Variants in ZDHHC3 observed in about 807,000 individuals in gnomAD.
ZDHHC3 encodes the protein palmitoyltransferase ZDHHC3.
A neutral mutation model predicts 30.6 loss-of-function variants in ZDHHC3; 9 were observed. That is an observed-to-expected ratio of 0.29 (90% CI 0.18 to 0.51). The LOEUF (loss-of-function observed/expected upper bound fraction) is 0.51. Ranked by LOEUF, ZDHHC3 falls within the 20% of genes least tolerant of loss-of-function variation. The probability of loss-of-function intolerance (pLI) is 0.97; values close to 1 mark genes in which losing one functional copy is unlikely to be tolerated. For missense variants in ZDHHC3, 246 were observed against 384.2 expected (o/e 0.64, Z 3.01); for synonymous variants, 136 against 140.2 (o/e 0.97, Z 0.21).
chr3:44,925,294 C>A lies in ZDHHC3; in HGVS notation c.*1395G>T. On this transcript the variant is annotated 3_prime_UTR_variant, in exon 7 of 7. Transcript: ENST00000424952. ...TGGCTAGATTAACTTTCGCCCTACC[C>A]AGGACAGGATTGAATAAACCTTAAC... 3 of 985,870 alleles carry A rather than the reference C, an allele frequency of 3.0e-6. No individual in the cohort carries two copies. Among genetic ancestry groups the A allele is most frequent in the Non-Finnish European group, 3.6e-6 (3 of 829,940 alleles). 61.1% of individuals were successfully genotyped at this position (985,870 alleles called of 1,614,324 possible). A position where few individuals can be genotyped will look rare whatever the true frequency, so the allele number is the denominator to read the frequency against.
chr3:44,955,665 G>A lies in ZDHHC3; in HGVS notation c.306+3466C>T, dbSNP rs779017194. Among the ~76,000 whole-genome samples the A allele has an allele frequency of 6.6e-5, 10 of 151,920 alleles. 1 individual carries two copies. Among genetic ancestry groups the A allele is most frequent in the Admixed American group, 2.0e-4 (3 of 15,256 alleles). ...CAGTGACCACTTTCTAAAAAAAGACGACTGCAATATTAATAAGGAACCCCT... is the reference window on the plus strand; with the variant it reads ...CAGTGACCACTTTCTAAAAAAAGACAACTGCAATATTAATAAGGAACCCCT... On this transcript the variant is annotated intron_variant, in intron 2 of 6. Transcript: ENST00000424952.
At chr3:44,937,130 A>G (rs1301987572) in intron 3 of ZDHHC3, among the ~76,000 whole-genome samples, 4 of 152,068 alleles carry the variant, frequency 2.6e-5, no homozygotes, top group African/African-American at 9.7e-5. Flanking sequence ...AAATAATACA[A>G]TTATATTTCC....
chr3:44,970,485 A>T (rs1482963764), intron 1 of ZDHHC3, among the ~76,000 whole-genome samples: 4 of 152,240 alleles, frequency 2.6e-5, no homozygotes, highest in Admixed American at 2.6e-4. Flanking sequence ...CTCATTTGAT[A>T]AAACAAAGGG....
At chr3:44,968,320 A>AAAAC (rs908550297) in intron 1 of ZDHHC3, among the ~76,000 whole-genome samples, 1 of 152,136 alleles carries the variant, frequency 6.6e-6, no homozygotes, top group Non-Finnish European at 1.5e-5. Context: ...AAAAAAAAAC[A>AAAAC]AAACAAACAA....
intron 1 of ZDHHC3, among the ~76,000 whole-genome samples, chr3:44,967,809 G>A (rs1559723999): frequency 6.6e-6 from 1 of 152,194 alleles, no homozygotes; most frequent in Non-Finnish European, 1.5e-5. Context: ...TTTTACAAAT[G>A]TGAAAATTTA....
At chr3:44,928,668 A>T (rs192823266) in intron 6 of ZDHHC3, among the ~76,000 whole-genome samples, 33 of 152,312 alleles carry the variant, frequency 2.2e-4, no homozygotes, top group African/African-American at 7.9e-4. Flanking sequence ...AGGGGCACCA[A>T]GGGAGTAGGC....
intron 1 of ZDHHC3, among the ~76,000 whole-genome samples, chr3:44,972,882 C>G (rs1229236582): frequency 2.0e-5 from 3 of 152,214 alleles, no homozygotes; most frequent in African/African-American, 7.2e-5. Flanking sequence ...TTCTAGATAT[C>G]TGAGTATGGC....
Position 44,925,861 on chromosome 3 carries a change from G to C in ZDHHC3, c.*828C>G. The C allele has an allele frequency of 1.0e-6, 1 of 985,850 alleles. No individual in the cohort carries two copies. The highest frequency in any genetic ancestry group is 1.2e-6 in the Non-Finnish European group (1 of 829,946). 61.1% of individuals were successfully genotyped at this position (985,850 alleles called of 1,614,324 possible). On this transcript the variant is annotated 3_prime_UTR_variant, in exon 7 of 7. Transcript: ENST00000424952. ...TCTTGCTGGGGAAGAGAGGGAGATGGGGTGGTGAGAGAGGAAGCAGATGAA... is the reference window on the plus strand; with the variant it reads ...TCTTGCTGGGGAAGAGAGGGAGATGCGGTGGTGAGAGAGGAAGCAGATGAA...
chr3:44,918,732 G>A lies in ZDHHC3; in HGVS notation c.*7957C>T. The stretch of plus-strand genomic sequence containing the variant: ...AGGACCACTGTGGGGAGGTAAGGCT[G>A]GGCTCAGGCCTGCTCATGCAGCAGA... On this transcript the variant is annotated 3_prime_UTR_variant, in exon 7 of 7. Transcript: ENST00000424952. 4 of 991,400 alleles carry A rather than the reference G, an allele frequency of 4.0e-6. No individual in the cohort carries two copies. Among genetic ancestry groups the A allele is most frequent in the Non-Finnish European group, 4.8e-6 (4 of 832,802 alleles). The allele number at this position is 991,400 out of a possible 1,614,324, so 61.4% of individuals were successfully genotyped here. A position where few individuals can be genotyped will look rare whatever the true frequency, so the allele number is the denominator to read the frequency against.
At position 44,920,359 on chromosome 3, in the gene ZDHHC3, C is replaced by T; in HGVS notation, c.*6330G>A. 5 of 1,289,676 alleles carry T rather than the reference C, an allele frequency of 3.9e-6. No homozygotes were observed. Among genetic ancestry groups the T allele is most frequent in the Non-Finnish European group, 5.1e-6 (5 of 988,740 alleles). The allele number at this position is 1,289,676 out of a possible 1,614,324, so 79.9% of individuals were successfully genotyped here. On this transcript the variant is annotated 3_prime_UTR_variant, in exon 7 of 7. Transcript: ENST00000424952. ...CAGCCTGTTGAGAAAGAGGCTTTAA[C>T]TTCATAGCACGAGAGCTGGGACATC...
Position 44,929,321 on chromosome 3 carries a change from G to A in ZDHHC3, c.726C>T (p.Ile242=). ...SVMFGTQVHS[I]CTDETGIEQL... is the part of the protein sequence containing the mutation. ...ACCTGCTTACCGTCTCATCTGTGCA[G>A]ATGGAGTGCACCTGGGTCCCAAACA... is the stretch of plus-strand genomic sequence containing the variant. The change falls in exon 6 of 7, where the codon ATC becomes ATT. Residue 242 remains isoleucine (I), a synonymous_variant. Coordinates refer to ENST00000424952, the MANE Select transcript of ZDHHC3 (RefSeq NM_001135179.2). 1.2e-6 allele frequency: 2 copies of A among 1,614,082 alleles called. No homozygotes were observed. Among genetic ancestry groups the A allele is most frequent in the Non-Finnish European group, 1.7e-6 (2 of 1,179,984 alleles).
In ZDHHC3 at chr3:44,917,360, G is replaced by C. The variant is rs1700247979; in HGVS notation, c.*9329C>G. ...GGCAGCATGGGGAAGCCCTTTCCAG[G>C]GAGTAGCTGGCAGCTCTGCAGTCTT... On this transcript the variant is annotated 3_prime_UTR_variant, in exon 7 of 7. Transcript: ENST00000424952. 1 of 161,506 alleles carries C rather than the reference G, an allele frequency of 6.2e-6. No individual in the cohort carries two copies. The highest frequency in any genetic ancestry group is 1.4e-5 in the Non-Finnish European group (1 of 72,586). 10.0% of individuals were successfully genotyped at this position (161,506 alleles called of 1,614,324 possible).
In ZDHHC3 at chr3:44,922,993, C is replaced by A. The variant is rs1979946; in HGVS notation, c.*3696G>T. 1.0e-6 allele frequency: 1 copy of A among 984,654 alleles called. No homozygotes were observed. Among genetic ancestry groups the A allele is most frequent in the Non-Finnish European group, 1.2e-6 (1 of 829,834 alleles). 61.0% of individuals were successfully genotyped at this position (984,654 alleles called of 1,614,324 possible). On this transcript the variant is annotated 3_prime_UTR_variant, in exon 7 of 7. Transcript: ENST00000424952. Reference sequence around the variant, plus strand: ...CTTGAAAAGAGAGAAATTTAAAACCCATTAGCCTGGCTGAGAAAGCCCATC... The same window carrying A: ...CTTGAAAAGAGAGAAATTTAAAACCAATTAGCCTGGCTGAGAAAGCCCATC...
intron 1 of ZDHHC3, among the ~76,000 whole-genome samples, chr3:44,968,311 A>G (rs781653831): frequency 1.3e-5 from 2 of 152,008 alleles, no homozygotes; most frequent in African/African-American, 4.8e-5. Context: ...TGACTCTTTA[A>G]AAAAAAACAA....
chr3:44,965,102 T>C (rs1188116711), intron 1 of ZDHHC3, among the ~76,000 whole-genome samples: 7 of 151,998 alleles, frequency 4.6e-5, no homozygotes, highest in Admixed American at 3.9e-4. Flanking sequence ...TGAGGGGCAG[T>C]GTGTGGGAAG....
In ZDHHC3 at chr3:44,918,110, T is replaced by C. The variant is rs1193249668; in HGVS notation, c.*8579A>G. On this transcript the variant is annotated 3_prime_UTR_variant, in exon 7 of 7. Coordinates refer to ENST00000424952, the MANE Select transcript of ZDHHC3 (RefSeq NM_001135179.2). ...GACTGCCAGCTCCCCATGTGCTCCC[T>C]GGGCTGGTTCTTTCGTTTGAGGCGC... The C allele has an allele frequency of 2.3e-6, 3 of 1,305,290 alleles. No individual in the cohort carries two copies. Among genetic ancestry groups the C allele is most frequent in the Admixed American group, 2.3e-5 (1 of 43,568 alleles). 80.9% of individuals were successfully genotyped at this position (1,305,290 alleles called of 1,614,324 possible). A position where few individuals can be genotyped will look rare whatever the true frequency, so the allele number is the denominator to read the frequency against.
chr3:44,933,345 C>T (rs1701665957), intron 4 of ZDHHC3, 146 bp from the exon 5 acceptor site: 3 of 701,982 alleles, frequency 4.3e-6, no homozygotes, highest in Admixed American at 2.3e-5. Flanking sequence ...GGCCAGCTAG[C>T]GATTCCCTAC....
At chr3:44,950,765 A>C (rs1465215926) in intron 2 of ZDHHC3, among the ~76,000 whole-genome samples, 2 of 152,128 alleles carry the variant, frequency 1.3e-5, no homozygotes. Flanking sequence ...CAGATTTCAG[A>C]GCTCTTTGTT....
intron 1 of ZDHHC3, among the ~76,000 whole-genome samples, chr3:44,969,002 C>T (rs561817425): frequency 3.9e-5 from 6 of 152,170 alleles, no homozygotes; most frequent in Non-Finnish European, 5.9e-5. Context: ...TTAATTGCTA[C>T]GCTGCCATCT....
Sources: allele counts gnomAD v4.1 joint callset (sites outside exome capture counted in the v4.1 genomes callset), GRCh38; gene constraint gnomAD v4.1.1; transcripts MANE v1.5; gene names NCBI Gene and HGNC (gene_info 2026-07-23, HGNC 2026-07-21).